KPNA1: variants seen among roughly 807,000 people sequenced by gnomAD.
KPNA1 encodes the protein karyopherin subunit alpha 1.
KPNA1 carries 10 observed loss-of-function variants against 70.5 expected under a neutral mutation model. The observed-to-expected ratio is 0.14, with a 90% CI of 0.09 to 0.24. The LOEUF (loss-of-function observed/expected upper bound fraction) is 0.24. Among genes scored for constraint, KPNA1 ranks in the 10% least tolerant of loss-of-function variants. The probability of loss-of-function intolerance (pLI) is 1.00; values close to 1 mark genes in which losing one functional copy is unlikely to be tolerated. For missense variants in KPNA1, 397 were observed against 637.9 expected, an observed-to-expected ratio of 0.62 and a Z score of 4.07; for synonymous variants, 192 against 221.9, an observed-to-expected ratio of 0.87 and a Z score of 1.20.
intron 10 of KPNA1, among the ~76,000 whole-genome samples, chr3:122,437,764 A>G (rs1284851984): frequency 6.6e-6 from 1 of 152,210 alleles, no homozygotes; most frequent in African/African-American, 2.4e-5. Context: ...CTATCAGTTT[A>G]TAAAGGTGAA....
At chr3:122,505,256 T>C (rs1163641734) in intron 1 of KPNA1, among the ~76,000 whole-genome samples, 1 of 143,430 alleles carries the variant, frequency 7.0e-6, no homozygotes, top group Non-Finnish European at 1.5e-5. Context: ...TGAGCCAGGA[T>C]TGTACCACTG....
chr3:122,424,219 C>T lies in KPNA1; in HGVS notation c.*2766G>A, dbSNP rs1033162591. On this transcript the variant is annotated 3_prime_UTR_variant, in exon 14 of 14. Transcript: ENST00000344337. The stretch of plus-strand genomic sequence containing the variant: ...CACTTTCCCCAATCCATATATAAAA[C>T]TACAAAAGAGTTTTCCTGTATTGAA... 1 of 152,102 alleles carries T rather than the reference C, an allele frequency of 6.6e-6. No individual in the cohort carries two copies. The highest frequency in any genetic ancestry group is 1.5e-5 in the Non-Finnish European group (1 of 67,996). 9.4% of individuals were successfully genotyped at this position (152,102 alleles called of 1,614,324 possible). A position where few individuals can be genotyped will look rare whatever the true frequency, so the allele number is the denominator to read the frequency against.
intron 10 of KPNA1, among the ~76,000 whole-genome samples, chr3:122,437,743 T>A (rs577520529): frequency 6.6e-6 from 1 of 152,252 alleles, no homozygotes; most frequent in East Asian, 1.9e-4. Flanking sequence ...ATAAAAAAGA[T>A]ATGACCTCAG....
intron 2 of KPNA1, among the ~76,000 whole-genome samples, chr3:122,493,399 C>A (rs2076722328): frequency 6.7e-6 from 1 of 148,700 alleles, no homozygotes. Context: ...ATATCTACAA[C>A]AATGGAAAAA....
At chr3:122,448,102 G>C (rs1272935634) in intron 9 of KPNA1, among the ~76,000 whole-genome samples, 1 of 152,184 alleles carries the variant, frequency 6.6e-6, no homozygotes, top group African/African-American at 2.4e-5. Context: ...GGAAACAAGA[G>C]ATGCTGGAGA....
intron 2 of KPNA1, 63 bp from the exon 3 acceptor site, chr3:122,467,492 C>G: frequency 1.1e-6 from 1 of 931,408 alleles, no homozygotes; most frequent in Non-Finnish European, 1.7e-6. Context: ...GTTCAACATT[C>G]AAATACTAGG....
Position 122,457,888 on chromosome 3 carries a change from T to C in KPNA1, c.432+3336A>G. On this transcript the variant is annotated intron_variant, in intron 5 of 13. Coordinates refer to ENST00000344337, the MANE Select transcript of KPNA1 (RefSeq NM_002264.4). ...AAAAGAAAGGCTCACATCAGAAAAATAAACCCAGATAGCAAACTCTGCAGA... is the reference window on the plus strand; with the variant it reads ...AAAAGAAAGGCTCACATCAGAAAAACAAACCCAGATAGCAAACTCTGCAGA... 2.3e-6 allele frequency: 3 copies of C among 1,282,250 alleles called. No homozygotes were observed. In the South Asian group the frequency reaches 3.7e-5, roughly 16 times the overall value. 79.4% of individuals were successfully genotyped at this position (1,282,250 alleles called of 1,614,324 possible).
In KPNA1 at chr3:122,430,515, AGT is replaced by A. The variant is rs10662409; in HGVS notation, c.1251-2801_1251-2800del. On this transcript the variant is annotated intron_variant, in intron 12 of 13. Transcript: ENST00000344337. ...TGAGGACTTCCTATACTGTACTACCAGTGTGTGTGTGTGTGTGTGTGTGTGTG... is the reference window on the plus strand; with the variant it reads ...TGAGGACTTCCTATACTGTACTACCAGTGTGTGTGTGTGTGTGTGTGTGTG... Among the ~76,000 whole-genome samples the A allele has an allele frequency of 4.2e-3, 596 of 141,188 alleles. 2 individuals are homozygous for A. Among genetic ancestry groups the A allele is most frequent in the Middle Eastern group, 0.014 (4 of 280 alleles). 92.6% of individuals were successfully genotyped at this position (141,188 alleles called of 152,430 possible). A position where few individuals can be genotyped will look rare whatever the true frequency, so the allele number is the denominator to read the frequency against.
intron 5 of KPNA1, chr3:122,459,923 G>A: frequency 1.0e-6 from 1 of 985,358 alleles, no homozygotes; most frequent in Non-Finnish European, 1.2e-6. Context: ...GGTGTAGACA[G>A]TAAGGAACCT....
In KPNA1 at chr3:122,424,787, T is replaced by C. The variant is rs1389757114; in HGVS notation, c.*2198A>G. 1.3e-5 allele frequency: 2 copies of C among 152,646 alleles called. No homozygotes were observed. Among genetic ancestry groups the C allele is most frequent in the African/African-American group, 4.8e-5 (2 of 41,452 alleles). The allele number at this position is 152,646 out of a possible 1,614,324, so 9.5% of individuals were successfully genotyped here. Reference sequence around the variant, plus strand: ...ACATCCTATAGAAATGACATGTTACTAGTAATTTACAATTTTAAAAAACAG... The same window carrying C: ...ACATCCTATAGAAATGACATGTTACCAGTAATTTACAATTTTAAAAAACAG... On this transcript the variant is annotated 3_prime_UTR_variant, in exon 14 of 14. Transcript: ENST00000344337.
At chr3:122,435,285 A>G (rs976206921) in intron 11 of KPNA1, among the ~76,000 whole-genome samples, 13 of 152,182 alleles carry the variant, frequency 8.5e-5, no homozygotes, top group Admixed American at 7.9e-4. Context: ...TGTCTGTGTT[A>G]TATCTTTTCC....
chr3:122,462,894 G>A (rs983104908), intron 4 of KPNA1, among the ~76,000 whole-genome samples: 1 of 152,086 alleles, frequency 6.6e-6, no homozygotes, highest in African/African-American at 2.4e-5. Context: ...TTGATAACAA[G>A]TATCAGATTC....
At chr3:122,496,403 C>A (rs769085022) in intron 2 of KPNA1, 34 bp downstream of exon 2, 4 of 1,593,600 alleles carry the variant, frequency 2.5e-6, no homozygotes, top group Non-Finnish European at 2.6e-6. Flanking sequence ...ACATTAAATT[C>A]TTTAAAAGAA....
At chr3:122,477,330 A>C (rs2076513654) in intron 2 of KPNA1, among the ~76,000 whole-genome samples, 1 of 152,216 alleles carries the variant, frequency 6.6e-6, no homozygotes, top group Non-Finnish European at 1.5e-5. Flanking sequence ...AGTTAGGAAG[A>C]GTAAGTTCAA....
In KPNA1 at chr3:122,426,311, G is replaced by A. The variant is rs2075822149; in HGVS notation, c.*674C>T. The A allele has an allele frequency of 6.6e-6, 1 of 152,600 alleles. No homozygotes were observed. 9.5% of individuals were successfully genotyped at this position (152,600 alleles called of 1,614,324 possible). On this transcript the variant is annotated 3_prime_UTR_variant, in exon 14 of 14. Transcript: ENST00000344337. ...ACCAGTATCACATTTAGGAGTCAAAGTGTTAATTCTTCAGCATTCCTGACA... is the reference window on the plus strand; with the variant it reads ...ACCAGTATCACATTTAGGAGTCAAAATGTTAATTCTTCAGCATTCCTGACA...
At chr3:122,446,956 C>G (rs2076146909) in intron 9 of KPNA1, among the ~76,000 whole-genome samples, 1 of 152,118 alleles carries the variant, frequency 6.6e-6, no homozygotes, top group Non-Finnish European at 1.5e-5. Context: ...TACACCCTCC[C>G]AAGACTAAAC....
intron 7 of KPNA1, 143 bp from the exon 8 acceptor site, chr3:122,451,776 G>A (rs544049234): frequency 1.4e-6 from 1 of 702,140 alleles, no homozygotes; most frequent in South Asian, 2.0e-5. Flanking sequence ...TAATTCTGAT[G>A]CAAGTAATTC....
intron 11 of KPNA1, among the ~76,000 whole-genome samples, chr3:122,435,771 T>C (rs1166624270): frequency 1.4e-4 from 21 of 152,224 alleles, no homozygotes; most frequent in Admixed American, 1.3e-3. Flanking sequence ...TCTTATAATT[T>C]CCTATGCCTA....
intron 2 of KPNA1, among the ~76,000 whole-genome samples, chr3:122,489,099 G>A (rs978812912): frequency 1.3e-5 from 2 of 148,708 alleles, no homozygotes; most frequent in South Asian, 2.1e-4. Context: ...GGCAGGGCGG[G>A]GGTGGGTTAT....
Sources: gnomAD v4.1 joint callset for allele counts (sites outside exome capture counted in the v4.1 genomes callset) on GRCh38, gnomAD v4.1.1 for gene constraint, MANE v1.5 for transcripts, NCBI Gene and HGNC (gene_info 2026-07-23, HGNC 2026-07-21) for gene names.